Variants in TRIM14 observed in about 807,000 individuals in gnomAD.
TRIM14 encodes tripartite motif containing 14.
In TRIM14, 28 loss-of-function variants were observed where a neutral mutation model predicts 44.5. The ratio of observed to expected loss-of-function variants is 0.63; its 90% CI spans 0.47 to 0.86. TRIM14 has a LOEUF of 0.86. Among genes scored for constraint, TRIM14 ranks in the 40% least tolerant of loss-of-function variants. TRIM14 has a pLI of 0.00. For missense variants in TRIM14, 607 were observed against 611.1 expected (o/e 0.99, Z 0.07); for synonymous variants, 299 against 269.2 (o/e 1.11, Z -1.08).
At chr9:98,072,893 G>C (rs1473868325) in intron 6 of TRIM14, among the ~76,000 whole-genome samples, 1 of 152,138 alleles carries the variant, frequency 6.6e-6, no homozygotes, top group Non-Finnish European at 1.5e-5. Context: ...ACTGTATGCT[G>C]TTCTAGGGCG....
At chr9:98,105,406 C>T (rs980537756) in intron 2 of TRIM14, among the ~76,000 whole-genome samples, 18 of 152,128 alleles carry the variant, frequency 1.2e-4, no homozygotes, top group Admixed American at 3.9e-4. Context: ...TAGTGAAACC[C>T]GATCCCTACT....
downstream of TRIM14, chr9:98,083,162 C>A: frequency 1.0e-6 from 1 of 997,294 alleles, no homozygotes; most frequent in Non-Finnish European, 1.5e-6. Context: ...TGGCTGTCAT[C>A]CACCTCCACC....
the TRIM14 span, among the ~76,000 whole-genome samples, chr9:98,059,968 G>A: frequency 3.3e-5 from 5 of 152,136 alleles, no homozygotes; most frequent in African/African-American, 1.2e-4. Flanking sequence ...GTCCCTGAGA[G>A]GGCCTCATTA....
At chr9:98,113,208 G>C (rs1200709442) in intron 1 of TRIM14, among the ~76,000 whole-genome samples, 5 of 151,734 alleles carry the variant, frequency 3.3e-5, no homozygotes, top group Non-Finnish European at 5.9e-5. Context: ...TAAGGCCAGA[G>C]TCTGGGCTCC....
chr9:98,100,811 TA>T (rs1428617486), intron 2 of TRIM14, among the ~76,000 whole-genome samples: 1 of 152,042 alleles, frequency 6.6e-6, no homozygotes, highest in East Asian at 1.9e-4. Context: ...GTATTTTTTG[TA>T]CTAAAAATAT....
chr9:98,080,809 T>C, downstream of TRIM14: 1 of 1,563,056 alleles, frequency 6.4e-7, no homozygotes, highest in Non-Finnish European at 8.7e-7. Flanking sequence ...CTTTTTCCAT[T>C]TTAAAGGAAT....
intron 6 of TRIM14, among the ~76,000 whole-genome samples, chr9:98,071,133 T>A (rs1385264247): frequency 6.6e-6 from 1 of 152,208 alleles, no homozygotes; most frequent in Non-Finnish European, 1.5e-5. Flanking sequence ...TTTTAAGAAT[T>A]TGAAGATGAA....
At chr9:98,051,945 C>T in the TRIM14 span, among the ~76,000 whole-genome samples, 1 of 152,010 alleles carries the variant, frequency 6.6e-6, no homozygotes, top group Non-Finnish European at 1.5e-5. Flanking sequence ...TGGTCAAGAG[C>T]GTGCTTCTTT....
At chr9:98,103,836 C>CAAAAAA (rs60368742) in intron 2 of TRIM14, among the ~76,000 whole-genome samples, 20,359 of 73,124 alleles carry the variant, frequency 0.28, 2,391 homozygotes, top group South Asian at 0.45. Context: ...GACTCCGTCT[C>CAAAAAA]AAAAAAAAAA....
chr9:98,094,638 G>C (rs1826115701), intron 4 of TRIM14, among the ~76,000 whole-genome samples: 1 of 152,212 alleles, frequency 6.6e-6, no homozygotes, highest in South Asian at 2.1e-4. Flanking sequence ...CAATCTGAGG[G>C]GCAGAAGCAG....
downstream of TRIM14, among the ~76,000 whole-genome samples, chr9:98,067,985 G>C (rs564676446): frequency 1.3e-5 from 2 of 151,988 alleles, no homozygotes; most frequent in African/African-American, 4.8e-5. Context: ...GCCTCCCAAA[G>C]TGCTGGGATT....
chr9:98,116,268 C>T (rs1161887294), intron 1 of TRIM14: 1 of 142,526 alleles, frequency 7.0e-6, no homozygotes, highest in African/African-American at 2.7e-5. Context: ...CACCACCACA[C>T]TCCAGCCTGG....
At chr9:98,037,155 A>G in the TRIM14 span, among the ~76,000 whole-genome samples, 1 of 152,326 alleles carries the variant, frequency 6.6e-6, no homozygotes, top group African/African-American at 2.4e-5. Flanking sequence ...AGGCAGGAGG[A>G]TCACTTGAGG....
intron 6 of TRIM14, among the ~76,000 whole-genome samples, chr9:98,079,004 T>C (rs977192522): frequency 2.0e-5 from 3 of 152,286 alleles, no homozygotes; most frequent in Non-Finnish European, 2.9e-5. Flanking sequence ...TTTTCTGCTT[T>C]ATTTGCTGAC....
At chr9:98,102,021 A>AAAAAG (rs1554736378) in intron 2 of TRIM14, among the ~76,000 whole-genome samples, 5 of 151,896 alleles carry the variant, frequency 3.3e-5, no homozygotes, top group African/African-American at 4.8e-5. Context: ...AAAAAAAAAA[A>AAAAAG]AAAAGAAAAG....
At chr9:98,081,434 G>A (rs1460023632), downstream of TRIM14, 1 of 235,156 alleles carries the variant, frequency 4.3e-6, no homozygotes, top group Non-Finnish European at 8.3e-6. Context: ...GGGCTCCCTT[G>A]GAGCAGGTAA....
downstream of TRIM14, among the ~76,000 whole-genome samples, chr9:98,067,986 T>A (rs2131631206): frequency 6.6e-6 from 1 of 152,122 alleles, no homozygotes; most frequent in East Asian, 1.9e-4. Flanking sequence ...CCTCCCAAAG[T>A]GCTGGGATTA....
chr9:98,066,292 A>G (rs938958469), downstream of TRIM14, among the ~76,000 whole-genome samples: 2 of 152,184 alleles, frequency 1.3e-5, no homozygotes, highest in African/African-American at 4.8e-5. Context: ...AGGTCCACAA[A>G]GGCAAAGCTA....
At chr9:98,059,275 G>A in the TRIM14 span, among the ~76,000 whole-genome samples, 20 of 152,076 alleles carry the variant, frequency 1.3e-4, no homozygotes, top group African/African-American at 2.7e-4. Flanking sequence ...TGCCCACCTC[G>A]GCCTCCCAGA....
Sources: allele counts gnomAD v4.1 joint callset (sites outside exome capture counted in the v4.1 genomes callset), GRCh38; gene constraint gnomAD v4.1.1; transcripts MANE v1.5; gene names NCBI Gene and HGNC (gene_info 2026-07-23, HGNC 2026-07-21).